Variants in POLR3B observed in about 807,000 individuals in gnomAD.
The protein encoded by POLR3B is DNA-directed RNA polymerase III subunit RPC2.
POLR3B carries 96 observed loss-of-function variants against 147.4 expected under a neutral mutation model. The observed-to-expected ratio is 0.65, with a 90% CI of 0.55 to 0.77. The LOEUF is 0.77. Ranked by LOEUF, POLR3B falls within the 30% of genes least tolerant of loss-of-function variation. The pLI, the probability that POLR3B is intolerant of heterozygous loss-of-function variation, is 0.00. For synonymous variants in POLR3B, 461 were observed against 485.9 expected (o/e 0.95, Z 0.67); for missense variants, 1,036 against 1,413.5 (o/e 0.73, Z 4.28).
At chr12:106,367,953 G>A (rs1207493272) in intron 4 of POLR3B, among the ~76,000 whole-genome samples, 1 of 151,948 alleles carries the variant, frequency 6.6e-6, no homozygotes, top group Admixed American at 6.6e-5. Context: ...CAGTGATACT[G>A]GAATTCTGTA....
chr12:106,395,346 A>G (rs565671099), intron 10 of POLR3B, among the ~76,000 whole-genome samples: 2 of 152,326 alleles, frequency 1.3e-5, no homozygotes, highest in South Asian at 2.1e-4. Context: ...GAAGCTTCCA[A>G]TCATGGCAGA....
At chr12:106,431,563 A>G (rs2037510685) in intron 14 of POLR3B, among the ~76,000 whole-genome samples, 1 of 152,162 alleles carries the variant, frequency 6.6e-6, no homozygotes, top group Non-Finnish European at 1.5e-5. Flanking sequence ...TTTTCTTTTC[A>G]TTTTGAAATA....
intron 25 of POLR3B, among the ~76,000 whole-genome samples, chr12:106,499,872 A>T (rs921199848): frequency 1.3e-5 from 2 of 152,166 alleles, no homozygotes; most frequent in African/African-American, 2.4e-5. Context: ...TTGGCTCAGG[A>T]TGCTGAGAGT....
intron 21 of POLR3B, among the ~76,000 whole-genome samples, chr12:106,458,043 T>G (rs559931096): frequency 6.6e-6 from 1 of 152,260 alleles, no homozygotes; most frequent in South Asian, 2.1e-4. Flanking sequence ...ATGGTGCACA[T>G]GAGTTGGTGG....
At chr12:106,502,034 T>A (rs1170760950) in intron 26 of POLR3B, among the ~76,000 whole-genome samples, 1 of 152,222 alleles carries the variant, frequency 6.6e-6, no homozygotes, top group East Asian at 1.9e-4. Flanking sequence ...AAGTTTCACA[T>A]GTTCTTAGTG....
intron 13 of POLR3B, among the ~76,000 whole-genome samples, chr12:106,428,123 AG>A (rs2037460939): frequency 6.6e-6 from 1 of 152,202 alleles, no homozygotes; most frequent in Admixed American, 6.5e-5. Context: ...TCTAAATTTG[AG>A]GAGAACCAGG....
chr12:106,405,177 C>G (rs1302540261), intron 10 of POLR3B, among the ~76,000 whole-genome samples: 1 of 152,052 alleles, frequency 6.6e-6, no homozygotes, highest in Non-Finnish European at 1.5e-5. Context: ...TTTTTTCTTT[C>G]AATCCTGTTT....
At chr12:106,434,737 G>A (rs543990443) in intron 16 of POLR3B, among the ~76,000 whole-genome samples, 1 of 152,238 alleles carries the variant, frequency 6.6e-6, no homozygotes, top group African/African-American at 2.4e-5. Flanking sequence ...GCAGTAGCTG[G>A]AAGTCTGTCA....
chr12:106,405,725 A>G lies in POLR3B; in HGVS notation c.847-132A>G, dbSNP rs1435117982. 2.8e-5 allele frequency: 23 copies of G among 834,980 alleles called. 1 individual carries two copies. Among genetic ancestry groups the G allele is most frequent in the African/African-American group, 2.7e-4 (16 of 59,022 alleles). 51.7% of individuals were successfully genotyped at this position (834,980 alleles called of 1,614,324 possible). A position where few individuals can be genotyped will look rare whatever the true frequency, so the allele number is the denominator to read the frequency against. On this transcript the variant is annotated intron_variant, in intron 10 of 27. Transcript: ENST00000228347. ...GATTTATGATAAACGTTGATTTTCA[A>G]CTAGACCCAGTACAGCTTTCTCTAT...
At chr12:106,373,383 C>A (rs1469119116) in intron 6 of POLR3B, among the ~76,000 whole-genome samples, 3 of 152,086 alleles carry the variant, frequency 2.0e-5, no homozygotes, top group Non-Finnish European at 4.4e-5. Context: ...CTTATTTTGT[C>A]TGCTCTTAGC....
At chr12:106,481,890 C>A (rs2038273068) in intron 23 of POLR3B, among the ~76,000 whole-genome samples, 1 of 152,194 alleles carries the variant, frequency 6.6e-6, no homozygotes, top group Non-Finnish European at 1.5e-5. Flanking sequence ...TTTTAGAGCA[C>A]TAACCTTTTG....
At chr12:106,372,139 A>G (rs1342800432) in intron 6 of POLR3B, among the ~76,000 whole-genome samples, 1 of 152,082 alleles carries the variant, frequency 6.6e-6, no homozygotes, top group Non-Finnish European at 1.5e-5. Context: ...TGGAGTAAAA[A>G]GATTTTAGTT....
chr12:106,394,030 A>G (rs1040912448), intron 10 of POLR3B, among the ~76,000 whole-genome samples: 2 of 152,194 alleles, frequency 1.3e-5, no homozygotes, highest in Non-Finnish European at 2.9e-5. Context: ...TGTATGACAT[A>G]TGTAAACTCT....
At chr12:106,410,635 T>A (rs2037212300) in intron 11 of POLR3B, 191 bp from the exon 12 acceptor site, 1 of 612,360 alleles carries the variant, frequency 1.6e-6, no homozygotes, top group Non-Finnish European at 2.9e-6. Context: ...CACAGGTTAC[T>A]GAGGACAATG....
intron 12 of POLR3B, among the ~76,000 whole-genome samples, chr12:106,424,707 T>G (rs2037414411): frequency 6.6e-6 from 1 of 152,142 alleles, no homozygotes; most frequent in African/African-American, 2.4e-5. Flanking sequence ...TCTCTGAGTA[T>G]TATTATAAAC....
intron 23 of POLR3B, among the ~76,000 whole-genome samples, chr12:106,492,015 G>T (rs933906555): frequency 6.6e-6 from 1 of 152,106 alleles, no homozygotes; most frequent in Non-Finnish European, 1.5e-5. Flanking sequence ...TTCTAGTCAG[G>T]TCTCAACACA....
intron 23 of POLR3B, among the ~76,000 whole-genome samples, chr12:106,467,533 T>C (rs2038023624): frequency 1.3e-5 from 2 of 152,178 alleles, no homozygotes; most frequent in South Asian, 4.1e-4. Context: ...CTTGTGCCAG[T>C]TTTCAAAGGG....
At chr12:106,468,073 G>T (rs776655500) in intron 23 of POLR3B, among the ~76,000 whole-genome samples, 1 of 152,104 alleles carries the variant, frequency 6.6e-6, no homozygotes, top group Non-Finnish European at 1.5e-5. Context: ...CTGTGAATCC[G>T]TCTGGTCCTG....
At chr12:106,465,862 T>C (rs1215379172) in intron 23 of POLR3B, among the ~76,000 whole-genome samples, 1 of 152,224 alleles carries the variant, frequency 6.6e-6, no homozygotes, top group East Asian at 1.9e-4. Flanking sequence ...CAGTCTATCA[T>C]TGATGGACAT....
Sources: allele counts gnomAD v4.1 joint callset (sites outside exome capture counted in the v4.1 genomes callset), GRCh38; gene constraint gnomAD v4.1.1; transcripts MANE v1.5; gene names NCBI Gene and HGNC (gene_info 2026-07-23, HGNC 2026-07-21).